CEP128: variants seen among roughly 807,000 people sequenced by gnomAD.
CEP128 encodes the protein centrosomal protein 128kDa.
CEP128 carries 132 observed loss-of-function variants against 156.7 expected under a neutral mutation model. The observed-to-expected ratio is 0.84, with a 90% CI of 0.73 to 0.97. The LOEUF is 0.97. Among genes scored for constraint, CEP128 ranks in the 50% least tolerant of loss-of-function variants. The pLI, the probability that CEP128 is intolerant of heterozygous loss-of-function variation, is 0.00. For synonymous variants in CEP128, 469 were observed against 448.9 expected, an observed-to-expected ratio of 1.04 and a Z score of -0.57; for missense variants, 1,252 against 1,281.9, an observed-to-expected ratio of 0.98 and a Z score of 0.36.
chr14:80,906,840 G>A (rs902290413), intron 4 of CEP128, among the ~76,000 whole-genome samples: 2 of 152,142 alleles, frequency 1.3e-5, no homozygotes, highest in African/African-American at 4.8e-5. Flanking sequence ...AATTAAAGCT[G>A]AAGAAAATCC....
chr14:80,678,049 A>ATATATATATATATATATATAT (rs1555390206), intron 19 of CEP128, among the ~76,000 whole-genome samples: 2 of 98,502 alleles, frequency 2.0e-5, no homozygotes, highest in African/African-American at 3.2e-5. Context: ...ATAAAAAAAA[A>ATATATATATATATATATATAT]ATATATATAT....
intron 6 of CEP128, among the ~76,000 whole-genome samples, chr14:80,901,702 C>T (rs1399061383): frequency 6.6e-6 from 1 of 152,168 alleles, no homozygotes; most frequent in East Asian, 1.9e-4. Context: ...CTACCTTCCC[C>T]ACATGGCTAT....
downstream of CEP128, among the ~76,000 whole-genome samples, chr14:80,486,799 CT>C (rs1887176423): frequency 6.6e-6 from 1 of 152,138 alleles, no homozygotes; most frequent in Non-Finnish European, 1.5e-5. Flanking sequence ...AAATAAAATA[CT>C]TTACAGAGTA....
chr14:80,954,541 C>T (rs1350073652), intron 2 of CEP128, among the ~76,000 whole-genome samples: 1 of 152,152 alleles, frequency 6.6e-6, no homozygotes, highest in African/African-American at 2.4e-5. Context: ...TGTGTGTTCC[C>T]TCCTGTCTTT....
At chr14:80,615,774 G>A (rs973662297) in intron 19 of CEP128, among the ~76,000 whole-genome samples, 6 of 152,100 alleles carry the variant, frequency 3.9e-5, no homozygotes, top group Admixed American at 6.6e-5. Context: ...ACTTGAACCC[G>A]GGAGGCAGAG....
chr14:80,747,387 A>G (rs1334248129), intron 18 of CEP128, among the ~76,000 whole-genome samples: 1 of 152,228 alleles, frequency 6.6e-6, no homozygotes, highest in Non-Finnish European at 1.5e-5. Context: ...CCAAACGATG[A>G]AACATTATTT....
chr14:80,497,657 A>C, intron 24 of CEP128, 75 bp from the exon 25 acceptor site: 1 of 908,408 alleles, frequency 1.1e-6, no homozygotes, highest in South Asian at 1.5e-5. Context: ...ATTTTGCAGA[A>C]GGTAGTTAAT....
Position 80,732,998 on chromosome 14 carries a change from C to T in CEP128, c.2806+10077G>A, listed in dbSNP as rs534050831. ...AGATATTTGGTTAAAATTTGGAGTACGTCTGTGAGGGTGTTTCTAAATGAG... is the reference window on the plus strand; with the variant it reads ...AGATATTTGGTTAAAATTTGGAGTATGTCTGTGAGGGTGTTTCTAAATGAG... On this transcript the variant is annotated intron_variant, in intron 19 of 24. Transcript: ENST00000555265. Among the ~76,000 whole-genome samples the T allele has an allele frequency of 1.2e-4, 19 of 152,150 alleles. No individual in the cohort carries two copies. In the South Asian group the frequency reaches 2.9e-3, roughly 23 times the overall value.
chr14:80,771,669 T>TAG (rs1900517122), intron 16 of CEP128, among the ~76,000 whole-genome samples: 1 of 152,232 alleles, frequency 6.6e-6, no homozygotes, highest in Non-Finnish European at 1.5e-5. Flanking sequence ...TTTCTGGTCT[T>TAG]AAACTATCTC....
intron 15 of CEP128, among the ~76,000 whole-genome samples, chr14:80,784,210 A>G (rs1051915980): frequency 6.6e-6 from 1 of 151,976 alleles, no homozygotes; most frequent in Non-Finnish European, 1.5e-5. Context: ...CTATCCTCAG[A>G]GAGTCTTCAT....
intron 19 of CEP128, among the ~76,000 whole-genome samples, chr14:80,738,599 T>A (rs1372646274): frequency 6.6e-6 from 1 of 152,156 alleles, no homozygotes; most frequent in African/African-American, 2.4e-5. Context: ...GCCTGTCAAC[T>A]GCAGTCCGAA....
At chr14:80,602,697 G>A (rs1351706062) in intron 19 of CEP128, among the ~76,000 whole-genome samples, 7 of 151,998 alleles carry the variant, frequency 4.6e-5, no homozygotes, top group African/African-American at 7.2e-5. Flanking sequence ...TGCTTGAACC[G>A]GGAGGCAGAG....
intron 14 of CEP128, among the ~76,000 whole-genome samples, chr14:80,789,663 A>G (rs1311359993): frequency 6.6e-6 from 1 of 152,134 alleles, no homozygotes; most frequent in Non-Finnish European, 1.5e-5. Flanking sequence ...CCAAGCTTCC[A>G]AAGAAGGGGC....
At chr14:80,571,738 C>T (rs1459190090) in intron 20 of CEP128, among the ~76,000 whole-genome samples, 5 of 148,806 alleles carry the variant, frequency 3.4e-5, no homozygotes, top group South Asian at 2.1e-4. Context: ...CTGAAATTGA[C>T]GAAGAAGGAA....
intron 19 of CEP128, among the ~76,000 whole-genome samples, chr14:80,716,581 G>A (rs557609202): frequency 6.6e-6 from 1 of 152,246 alleles, no homozygotes; most frequent in Admixed American, 6.5e-5. Context: ...TATTAATACT[G>A]CATTTCTTAG....
chr14:80,953,097 C>T (rs1362976206), intron 2 of CEP128, among the ~76,000 whole-genome samples: 1 of 152,206 alleles, frequency 6.6e-6, no homozygotes, highest in Non-Finnish European at 1.5e-5. Context: ...CAGTTCTACA[C>T]AAACTCCTAT....
intron 4 of CEP128, among the ~76,000 whole-genome samples, chr14:80,913,706 T>C (rs375178215): frequency 4.7e-4 from 70 of 150,336 alleles, no homozygotes; most frequent in East Asian, 1.6e-3. Flanking sequence ...ATAATGGACA[T>C]TGGAGACTCA....
chr14:80,803,989 C>T (rs1162310826), intron 13 of CEP128, among the ~76,000 whole-genome samples: 1 of 151,978 alleles, frequency 6.6e-6, no homozygotes, highest in Non-Finnish European at 1.5e-5. Flanking sequence ...TGTAGATTTA[C>T]AGTTACATTT....
intron 20 of CEP128, among the ~76,000 whole-genome samples, chr14:80,565,209 C>T (rs1890861112): frequency 6.6e-6 from 1 of 152,176 alleles, no homozygotes; most frequent in South Asian, 2.1e-4. Context: ...AGACCCTGCA[C>T]TGGATGGATC....
Sources: allele counts gnomAD v4.1 joint callset (sites outside exome capture counted in the v4.1 genomes callset), GRCh38; gene constraint gnomAD v4.1.1; transcripts MANE v1.5; gene names NCBI Gene and HGNC (gene_info 2026-07-23, HGNC 2026-07-21).